IMMP2L: variants seen among roughly 807,000 people sequenced by gnomAD.
The protein encoded by IMMP2L is inner mitochondrial membrane peptidase subunit 2.
A neutral mutation model predicts 19.3 loss-of-function variants in IMMP2L; 18 were observed. The observed-to-expected ratio is 0.93, with a 90% CI of 0.64 to 1.38. IMMP2L has a LOEUF of 1.38. Ranked by LOEUF, IMMP2L falls within the 40% of genes most tolerant of loss-of-function variation. The pLI, the probability that IMMP2L is intolerant of heterozygous loss-of-function variation, is 0.00. For synonymous variants in IMMP2L, 76 were observed against 73.0 expected, an observed-to-expected ratio of 1.04 and a Z score of -0.21; for missense variants, 233 against 218.2, an observed-to-expected ratio of 1.07 and a Z score of -0.43.
intron 3 of IMMP2L, among the ~76,000 whole-genome samples, chr7:111,030,647 A>G (rs1790662364): frequency 6.6e-6 from 1 of 152,074 alleles, no homozygotes; most frequent in Non-Finnish European, 1.5e-5. Flanking sequence ...TGAAGTTCTC[A>G]ACTATGAAAG....
chr7:111,079,279 G>A (rs1275378724), intron 3 of IMMP2L, among the ~76,000 whole-genome samples: 11 of 58,318 alleles, frequency 1.9e-4, no homozygotes, highest in East Asian at 8.4e-4. Context: ...CACTACGCCC[G>A]GCTAATTTTT....
intron 3 of IMMP2L, among the ~76,000 whole-genome samples, chr7:110,969,987 G>T (rs757004684): frequency 1.5e-4 from 23 of 152,088 alleles, no homozygotes; most frequent in Non-Finnish European, 1.0e-4. Flanking sequence ...TTAAAGAACT[G>T]AACTGTTGTT....
chr7:110,987,438 T>C (rs1331458650), intron 3 of IMMP2L, among the ~76,000 whole-genome samples: 1 of 152,202 alleles, frequency 6.6e-6, no homozygotes, highest in Non-Finnish European at 1.5e-5. Context: ...ATGGTCCTTC[T>C]CATTTGTTTT....
At chr7:110,967,518 A>C (rs1819674731) in intron 3 of IMMP2L, among the ~76,000 whole-genome samples, 1 of 152,070 alleles carries the variant, frequency 6.6e-6, no homozygotes, top group Admixed American at 6.6e-5. Flanking sequence ...TTTTATATTC[A>C]TATGGTTCAG....
intron 3 of IMMP2L, among the ~76,000 whole-genome samples, chr7:111,217,124 T>A (rs35674659): frequency 0.32 from 32,044 of 101,652 alleles, 4,116 homozygotes; most frequent in African/African-American, 0.42. Flanking sequence ...TCTCTCTCTC[T>A]CTCACACACA....
At chr7:111,421,333 A>C (rs1835519960) in intron 3 of IMMP2L, among the ~76,000 whole-genome samples, 1 of 141,164 alleles carries the variant, frequency 7.1e-6, no homozygotes, top group South Asian at 2.2e-4. Context: ...GCAGTGGCGC[A>C]ATCTCGGCTC....
chr7:110,855,061 A>C (rs542724004), intron 5 of IMMP2L, among the ~76,000 whole-genome samples: 2 of 152,136 alleles, frequency 1.3e-5, no homozygotes, highest in Admixed American at 1.3e-4. Flanking sequence ...TTAAGAAAAC[A>C]CACCAAGATA....
intron 3 of IMMP2L, among the ~76,000 whole-genome samples, chr7:111,449,009 G>C (rs1186946915): frequency 1.3e-5 from 2 of 151,046 alleles, no homozygotes; most frequent in African/African-American, 4.9e-5. Flanking sequence ...ACTAAACCAG[G>C]AAGAAGTTGA....
chr7:110,703,744 T>G (rs1221311124), intron 5 of IMMP2L, among the ~76,000 whole-genome samples: 1 of 152,178 alleles, frequency 6.6e-6, no homozygotes, highest in East Asian at 1.9e-4. Context: ...GAATACTGCT[T>G]ATATAATGAC....
intron 5 of IMMP2L, among the ~76,000 whole-genome samples, chr7:110,698,866 T>C (rs1364122966): frequency 6.6e-6 from 1 of 152,258 alleles, no homozygotes; most frequent in Non-Finnish European, 1.5e-5. Flanking sequence ...CATGCCTTGA[T>C]AGTCTATGGC....
chr7:111,168,438 A>G (rs150505631), intron 3 of IMMP2L, among the ~76,000 whole-genome samples: 6 of 152,030 alleles, frequency 3.9e-5, no homozygotes, highest in African/African-American at 7.2e-5. Context: ...AGCCAGTCTT[A>G]TAAGTTGAGA....
chr7:111,459,664 C>T (rs1839971548), intron 3 of IMMP2L, among the ~76,000 whole-genome samples: 1 of 152,040 alleles, frequency 6.6e-6, no homozygotes, highest in Non-Finnish European at 1.5e-5. Flanking sequence ...ATGTCCTTTC[C>T]CTCTGTCACA....
chr7:111,511,650 CAAA>C (rs1252976534), intron 2 of IMMP2L, among the ~76,000 whole-genome samples: 2 of 53,236 alleles, frequency 3.8e-5, no homozygotes, highest in Non-Finnish European at 8.4e-5. Flanking sequence ...CTCTGTTGAA[CAAA>C]AAAAAAAAAA....
intron 3 of IMMP2L, among the ~76,000 whole-genome samples, chr7:111,324,146 T>TA (rs1363102325): frequency 1.3e-5 from 2 of 151,492 alleles, no homozygotes; most frequent in African/African-American, 2.4e-5. Flanking sequence ...TACAATAAAA[T>TA]AAAAAAAGCT....
chr7:111,059,814 T>A (rs1026235993), intron 3 of IMMP2L, among the ~76,000 whole-genome samples: 2 of 151,996 alleles, frequency 1.3e-5, no homozygotes, highest in Non-Finnish European at 2.9e-5. Flanking sequence ...AATATGGCAC[T>A]CTACATGCCA....
chr7:111,478,022 T>C (rs893888558), intron 3 of IMMP2L, among the ~76,000 whole-genome samples: 6 of 152,186 alleles, frequency 3.9e-5, no homozygotes, highest in African/African-American at 1.4e-4. Flanking sequence ...ATGTCTTTCA[T>C]TGATTTTAGA....
intron 5 of IMMP2L, among the ~76,000 whole-genome samples, chr7:110,695,787 C>A (rs1468126299): frequency 6.6e-6 from 1 of 151,948 alleles, no homozygotes; most frequent in Non-Finnish European, 1.5e-5. Context: ...CTCAGACAGC[C>A]TAGTCCGACA....
intron 5 of IMMP2L, among the ~76,000 whole-genome samples, chr7:110,743,728 T>C (rs1009680378): frequency 1.3e-5 from 2 of 152,334 alleles, no homozygotes; most frequent in African/African-American, 2.4e-5. Flanking sequence ...CATTAGGGAC[T>C]GTACTGTGCA....
At chr7:111,348,566 A>G (rs972854472) in intron 3 of IMMP2L, among the ~76,000 whole-genome samples, 44 of 152,162 alleles carry the variant, frequency 2.9e-4, no homozygotes, top group African/African-American at 9.6e-4. Flanking sequence ...TTTGAGAATA[A>G]CAAATAAAGA....
Sources: gnomAD v4.1 joint callset for allele counts (sites outside exome capture counted in the v4.1 genomes callset) on GRCh38, gnomAD v4.1.1 for gene constraint, MANE v1.5 for transcripts, NCBI Gene and HGNC (gene_info 2026-07-23, HGNC 2026-07-21) for gene names.